MYO16: variants seen among roughly 807,000 people sequenced by gnomAD.
MYO16 encodes myosin XVI, also known as unconventional myosin-XVI.
In MYO16, 94 loss-of-function variants were observed where a neutral mutation model predicts 205.3. That is an observed-to-expected ratio of 0.46 (90% confidence interval 0.39 to 0.54). The LOEUF (loss-of-function observed/expected upper bound fraction) is 0.54, where lower values mean the gene tolerates loss of function less well. Among genes scored for constraint, MYO16 ranks in the 20% least tolerant of loss-of-function variants. MYO16 has a pLI of 0.00. For missense variants in MYO16, 2,315 were observed against 2,387.5 expected (o/e 0.97, Z 0.63); for synonymous variants, 988 against 954.0 (o/e 1.04, Z -0.66).
intron 11 of MYO16, among the ~76,000 whole-genome samples, chr13:108,857,245 T>C (rs567897902): frequency 6.6e-6 from 1 of 152,350 alleles, no homozygotes; most frequent in South Asian, 2.1e-4. Context: ...TTAGAGAATT[T>C]ATCACAGTTG....
intron 2 of MYO16, among the ~76,000 whole-genome samples, chr13:108,691,684 A>T (rs566026593): frequency 4.7e-4 from 71 of 152,198 alleles, no homozygotes; most frequent in African/African-American, 1.6e-3. Context: ...TAAAATAAGG[A>T]TTCACTTCGT....
intron 13 of MYO16, 66 bp downstream of exon 13, chr13:108,883,252 C>A (rs1480562651): frequency 3.9e-6 from 6 of 1,554,562 alleles, no homozygotes; most frequent in Non-Finnish European, 5.2e-6. Flanking sequence ...TAAAGATGTA[C>A]TCATTTCCTA....
the MYO16 span, among the ~76,000 whole-genome samples, chr13:108,538,368 A>G: frequency 6.6e-6 from 1 of 152,114 alleles, no homozygotes; most frequent in Non-Finnish European, 1.5e-5. Context: ...ACCAATGTTA[A>G]ACAAGGTAAG....
At chr13:108,640,774 G>C (rs1880470578) in intron 1 of MYO16, among the ~76,000 whole-genome samples, 1 of 152,132 alleles carries the variant, frequency 6.6e-6, no homozygotes, top group Admixed American at 6.6e-5. Context: ...TGAGAAACTG[G>C]GATAACGGTA....
At chr13:109,170,137 A>C (rs990106506) in intron 33 of MYO16, among the ~76,000 whole-genome samples, 1 of 152,166 alleles carries the variant, frequency 6.6e-6, no homozygotes, top group South Asian at 2.1e-4. Context: ...AAAAGAAAAA[A>C]AAAAACATAA....
chr13:108,844,920 G>A (rs1216687367), intron 10 of MYO16, among the ~76,000 whole-genome samples: 1 of 152,028 alleles, frequency 6.6e-6, no homozygotes, highest in East Asian at 1.9e-4. Flanking sequence ...ATGTGTATCT[G>A]TACGTGTCTG....
chr13:108,709,261 T>G (rs1270194510), intron 2 of MYO16, among the ~76,000 whole-genome samples: 1 of 152,224 alleles, frequency 6.6e-6, no homozygotes, highest in African/African-American at 2.4e-5. Context: ...TATGAACCCG[T>G]ACCTTTTTGG....
intron 4 of MYO16, among the ~76,000 whole-genome samples, chr13:108,781,956 C>A (rs1346354087): frequency 6.6e-6 from 1 of 152,296 alleles, no homozygotes; most frequent in East Asian, 1.9e-4. Flanking sequence ...TCCAATTAAA[C>A]CTCCTTTTGT....
intron 33 of MYO16, among the ~76,000 whole-genome samples, chr13:109,174,741 G>C (rs1214124978): frequency 7.3e-6 from 1 of 137,156 alleles, no homozygotes; most frequent in Non-Finnish European, 1.5e-5. Flanking sequence ...TCTCATTCTT[G>C]TCTTGTCTTT....
chr13:109,119,595 G>C (rs896124326), intron 28 of MYO16, among the ~76,000 whole-genome samples: 3 of 152,214 alleles, frequency 2.0e-5, no homozygotes, highest in Non-Finnish European at 4.4e-5. Flanking sequence ...TACTTAAAAA[G>C]TGTATGAATG....
chr13:108,804,933 C>A (rs1369436987), intron 6 of MYO16, among the ~76,000 whole-genome samples: 1 of 152,186 alleles, frequency 6.6e-6, no homozygotes, highest in Non-Finnish European at 1.5e-5. Context: ...GAAAGCAAAT[C>A]TAATCCTGCA....
chr13:108,788,669 C>G (rs915666468), intron 5 of MYO16, among the ~76,000 whole-genome samples: 1 of 152,144 alleles, frequency 6.6e-6, no homozygotes, highest in Non-Finnish European at 1.5e-5. Context: ...TCCTGTGGTT[C>G]AGCCCACTGA....
chr13:108,710,594 A>G (rs1163346234), intron 2 of MYO16, among the ~76,000 whole-genome samples: 1 of 152,108 alleles, frequency 6.6e-6, no homozygotes, highest in Admixed American at 6.6e-5. Context: ...ATTCTCACAA[A>G]CCCCCATGAA....
chr13:109,117,398 GTA>G (rs111482652), intron 28 of MYO16, among the ~76,000 whole-genome samples: 1,530 of 146,022 alleles, frequency 0.01, 17 homozygotes, highest in African/African-American at 0.03. Flanking sequence ...GTGTATATAT[GTA>G]TATATATATG....
intron 21 of MYO16, among the ~76,000 whole-genome samples, chr13:109,001,031 G>A (rs760984018): frequency 6.6e-6 from 1 of 151,850 alleles, no homozygotes; most frequent in African/African-American, 2.4e-5. Flanking sequence ...TTTTTCATTT[G>A]TGTAAAACAA....
chr13:109,206,713 C>T lies in MYO16; in HGVS notation c.5520C>T (p.Ile1840=). The stretch of plus-strand genomic sequence containing the variant: ...AGGAAGGACAAGACTGGCAGCAGAT[C>T]CTGCACCACGCTGAGCCCAGGGTGC... ...LCEEGQDWQQ[I]LHHAEPRVPP... is the part of the protein sequence containing the mutation. The change falls in exon 35 of 35, where the codon ATC becomes ATT. Residue 1840 remains isoleucine, a synonymous_variant. Coordinates refer to ENST00000457511, the MANE Select transcript of MYO16 (RefSeq NM_001198950.3). The T allele has an allele frequency of 6.2e-7, 1 of 1,614,176 alleles. No individual in the cohort carries two copies. The highest frequency in any genetic ancestry group is 8.5e-7 in the Non-Finnish European group (1 of 1,180,018).
At chr13:108,834,921 A>G (rs185982834) in intron 9 of MYO16, among the ~76,000 whole-genome samples, 2 of 152,154 alleles carry the variant, frequency 1.3e-5, no homozygotes, top group East Asian at 3.9e-4. Flanking sequence ...GTGATTATAG[A>G]TAAAAATGTT....
At chr13:108,680,334 G>C (rs1882409745) in intron 2 of MYO16, among the ~76,000 whole-genome samples, 1 of 152,098 alleles carries the variant, frequency 6.6e-6, no homozygotes, top group Non-Finnish European at 1.5e-5. Context: ...ATTAACATAA[G>C]ATGTCAATTT....
At chr13:109,006,313 A>G (rs1885384186) in intron 21 of MYO16, among the ~76,000 whole-genome samples, 1 of 152,074 alleles carries the variant, frequency 6.6e-6, no homozygotes, top group Admixed American at 6.5e-5. Flanking sequence ...GATCTCAGCT[A>G]ACTGCAACCT....
Sources: allele counts gnomAD v4.1 joint callset (sites outside exome capture counted in the v4.1 genomes callset), GRCh38; gene constraint gnomAD v4.1.1; transcripts MANE v1.5; gene names NCBI Gene and HGNC (gene_info 2026-07-23, HGNC 2026-07-21).